SGCZ: variants seen among roughly 807,000 people sequenced by gnomAD.
The protein encoded by SGCZ is sarcoglycan zeta, also known as zeta-sarcoglycan.
A neutral mutation model predicts 41.3 loss-of-function variants in SGCZ; 40 were observed. The observed-to-expected ratio is 0.97, with a 90% confidence interval of 0.75 to 1.26. SGCZ has a LOEUF of 1.26. Among genes scored for constraint, SGCZ ranks in the 50% most tolerant of loss-of-function variants. The pLI is 0.00. For synonymous variants in SGCZ, 206 were observed against 137.5 expected (o/e 1.50, Z -3.49); for missense variants, 552 against 369.8 (o/e 1.49, Z -4.04).
At chr8:15,015,470 C>T (rs999407345) in intron 1 of SGCZ, among the ~76,000 whole-genome samples, 8 of 151,998 alleles carry the variant, frequency 5.3e-5, no homozygotes, top group East Asian at 3.9e-4. Context: ...GAGGCCAAGG[C>T]GGGTGGATCA....
intron 2 of SGCZ, among the ~76,000 whole-genome samples, chr8:14,475,271 G>A (rs1376402828): frequency 6.6e-6 from 1 of 152,038 alleles, no homozygotes; most frequent in Non-Finnish European, 1.5e-5. Flanking sequence ...TCACCTTCTA[G>A]AAGTGGTATG....
intron 2 of SGCZ, among the ~76,000 whole-genome samples, chr8:14,420,266 A>T (rs961335672): frequency 6.6e-6 from 1 of 152,042 alleles, no homozygotes; most frequent in South Asian, 2.1e-4. Flanking sequence ...TAATAGAAAC[A>T]AAAGAAAAAT....
At chr8:14,469,035 C>T (rs1179555153) in intron 2 of SGCZ, among the ~76,000 whole-genome samples, 6 of 151,072 alleles carry the variant, frequency 4.0e-5, no homozygotes, top group African/African-American at 1.5e-4. Context: ...TGGCCTGTTT[C>T]TTTCTAATTA....
At chr8:14,355,348 A>T (rs920022128) in intron 2 of SGCZ, among the ~76,000 whole-genome samples, 1 of 152,076 alleles carries the variant, frequency 6.6e-6, no homozygotes, top group African/African-American at 2.4e-5. Flanking sequence ...TTAATTGTTA[A>T]TCATGTCAAC....
chr8:14,358,041 A>C (rs749903933), intron 2 of SGCZ, among the ~76,000 whole-genome samples: 4 of 152,140 alleles, frequency 2.6e-5, no homozygotes, highest in Non-Finnish European at 5.9e-5. Context: ...GTGTTTATGC[A>C]TGTATTCGTG....
chr8:15,162,814 T>C (rs1007685101), intron 1 of SGCZ, among the ~76,000 whole-genome samples: 2 of 152,216 alleles, frequency 1.3e-5, no homozygotes, highest in African/African-American at 2.4e-5. Flanking sequence ...TTATAGAGAG[T>C]TCCTAAAAGT....
intron 1 of SGCZ, among the ~76,000 whole-genome samples, chr8:15,145,388 T>G (rs1464299174): frequency 6.6e-6 from 1 of 152,094 alleles, no homozygotes; most frequent in Admixed American, 6.6e-5. Flanking sequence ...GAGGAAGGAG[T>G]GGGCTTTGTA....
rs376348013 is a variant in SGCZ, at chr8:14,994,326, G to A, written c.39+243259C>T. On this transcript the variant is annotated intron_variant, in intron 1 of 7. Transcript: ENST00000382080. ...GGGCTGGGCATGGTGGCTCCCGCCTGTAATCCCAGCACTTTGGGAGGCCGA... is the reference window on the plus strand; with the variant it reads ...GGGCTGGGCATGGTGGCTCCCGCCTATAATCCCAGCACTTTGGGAGGCCGA... Among the ~76,000 whole-genome samples the A allele has an allele frequency of 3.3e-3, 507 of 152,244 alleles. 4 individuals are homozygous for A. Among genetic ancestry groups the A allele is most frequent in the African/African-American group, 0.012 (492 of 41,542 alleles).
At chr8:14,837,953 G>T (rs539693106) in intron 1 of SGCZ, among the ~76,000 whole-genome samples, 1 of 151,470 alleles carries the variant, frequency 6.6e-6, no homozygotes, top group Non-Finnish European at 1.5e-5. Context: ...TAGTTATTTC[G>T]AATTATACAA....
At position 15,011,160 on chromosome 8, in the gene SGCZ, T is replaced by C. The variant is rs541614621; in HGVS notation, c.39+226425A>G. On this transcript the variant is annotated intron_variant, in intron 1 of 7. Coordinates refer to ENST00000382080, the MANE Select transcript of SGCZ (RefSeq NM_139167.4). ...CAATAAGGGTTATTTAGAGAGAAAT[T>C]TTGCTTAAATGTTTAGAAAATTATC... 3.9e-5 allele frequency among the ~76,000 whole-genome samples: 6 copies of C among 152,308 alleles called. No homozygotes were observed. In the East Asian group the frequency reaches 1.2e-3, roughly 29 times the overall value.
At chr8:14,427,914 A>C (rs1265088498) in intron 2 of SGCZ, among the ~76,000 whole-genome samples, 1 of 152,140 alleles carries the variant, frequency 6.6e-6, no homozygotes, top group Non-Finnish European at 1.5e-5. Context: ...ACAACCATTT[A>C]CATAGCACTT....
At chr8:14,778,440 T>A (rs1021009622) in intron 1 of SGCZ, among the ~76,000 whole-genome samples, 1 of 152,154 alleles carries the variant, frequency 6.6e-6, no homozygotes, top group Admixed American at 6.6e-5. Context: ...AAACAGTCCA[T>A]AGTTTTCATC....
chr8:14,443,050 C>A (rs1380392125), intron 2 of SGCZ, among the ~76,000 whole-genome samples: 2 of 152,142 alleles, frequency 1.3e-5, no homozygotes, highest in Non-Finnish European at 1.5e-5. Context: ...TGAGTGAACT[C>A]CCATTCACAA....
chr8:15,039,131 T>A (rs948597227), intron 1 of SGCZ, among the ~76,000 whole-genome samples: 2 of 152,120 alleles, frequency 1.3e-5, no homozygotes, highest in African/African-American at 2.4e-5. Context: ...TACCGGTATA[T>A]AGCCAAAGGA....
At chr8:14,446,040 T>A (rs748138699) in intron 2 of SGCZ, among the ~76,000 whole-genome samples, 1 of 152,168 alleles carries the variant, frequency 6.6e-6, no homozygotes. Flanking sequence ...TTTGTCCCTG[T>A]CATGAGTCTG....
intron 1 of SGCZ, among the ~76,000 whole-genome samples, chr8:15,063,516 T>C (rs571218719): frequency 7.3e-4 from 111 of 152,314 alleles, no homozygotes; most frequent in African/African-American, 2.6e-3. Flanking sequence ...AGTGAAAGGA[T>C]GGCCCAACTT....
At chr8:15,177,591 C>G (rs1048365909) in intron 1 of SGCZ, among the ~76,000 whole-genome samples, 3 of 152,008 alleles carry the variant, frequency 2.0e-5, no homozygotes, top group African/African-American at 4.8e-5. Context: ...GGCCCATAGA[C>G]TGATTCATTG....
chr8:14,967,907 G>T (rs1246302187), intron 1 of SGCZ, among the ~76,000 whole-genome samples: 1 of 152,134 alleles, frequency 6.6e-6, no homozygotes, highest in African/African-American at 2.4e-5. Context: ...TCCAGGGACA[G>T]TCACTCCTAT....
intron 1 of SGCZ, among the ~76,000 whole-genome samples, chr8:14,625,195 T>C (rs1806414555): frequency 6.6e-6 from 1 of 152,180 alleles, no homozygotes; most frequent in Admixed American, 6.5e-5. Flanking sequence ...AAGTTATTCT[T>C]ATTTTAGTAG....
Sources: allele counts gnomAD v4.1 joint callset (sites outside exome capture counted in the v4.1 genomes callset), GRCh38; gene constraint gnomAD v4.1.1; transcripts MANE v1.5; gene names NCBI Gene and HGNC (gene_info 2026-07-23, HGNC 2026-07-21).